Variants in BRDT observed in about 807,000 individuals in gnomAD.
The protein encoded by BRDT is bromodomain testis associated, also known as bromodomain testis-specific protein.
In BRDT, 77 loss-of-function variants were observed where a neutral mutation model predicts 113.9. That is an observed-to-expected ratio of 0.68 (90% confidence interval 0.56 to 0.82). The LOEUF (loss-of-function observed/expected upper bound fraction) is 0.82. Ranked by LOEUF, BRDT falls within the 40% of genes least tolerant of loss-of-function variation. The pLI is 0.00. For synonymous variants in BRDT, 358 were observed against 366.5 expected, an observed-to-expected ratio of 0.98 and a Z score of 0.26; for missense variants, 1,027 against 1,105.4, an observed-to-expected ratio of 0.93 and a Z score of 1.01.
chr1:91,980,318 C>G (rs902532468), intron 8 of BRDT, among the ~76,000 whole-genome samples: 2 of 73,270 alleles, frequency 2.7e-5, no homozygotes, highest in African/African-American at 6.5e-5. Context: ...CAGGATCACA[C>G]CACCGCACTC....
rs536229680 is a variant in BRDT at position 91,961,874 on chromosome 1, T to C, written c.-37-844T>C. The stretch of plus-strand genomic sequence containing the variant: ...TTGAAATAATTTAAAACAGCCAAGG[T>C]TGGCCGGGCGCGGTGGCTCACGCTT... On this transcript the variant is annotated intron_variant, in intron 1 of 18. Coordinates refer to ENST00000399546, the MANE Select transcript of BRDT (RefSeq NM_207189.4). 3.9e-5 allele frequency among the ~76,000 whole-genome samples: 6 copies of C among 152,124 alleles called. No homozygotes were observed. In the South Asian group the frequency reaches 1.2e-3, roughly 32 times the overall value.
At chr1:91,956,311 C>G (rs1011775535) in intron 1 of BRDT, among the ~76,000 whole-genome samples, 1 of 151,376 alleles carries the variant, frequency 6.6e-6, no homozygotes. Context: ...CTTCCTGCCC[C>G]CCCCCACCCC....
At position 91,995,403 on chromosome 1, in the gene BRDT, C is replaced by CTGTGTG. The variant is rs200254179; in HGVS notation, c.2287+1199_2287+1204dup. ...TTCAGTTTAAAATCTCCCTACTATT[C>CTGTGTG]TGTGTGTGTGTGTGTGTGTGTGTGT... On this transcript the variant is annotated intron_variant, in intron 15 of 18. Coordinates refer to ENST00000399546, the MANE Select transcript of BRDT (RefSeq NM_207189.4). 2.3e-4 allele frequency among the ~76,000 whole-genome samples: 34 copies of CTGTGTG among 146,868 alleles called. No individual in the cohort carries two copies. In the East Asian group the frequency reaches 4.4e-3, roughly 19 times the overall value.
chr1:91,975,603 G>A (rs879219964), intron 4 of BRDT, among the ~76,000 whole-genome samples: 2 of 152,162 alleles, frequency 1.3e-5, no homozygotes, highest in African/African-American at 2.4e-5. Context: ...GTTTGCTGGC[G>A]GGTTGGATAT....
rs754171082 is a variant in BRDT at position 91,991,288 on chromosome 1, A to G, written c.2064+43A>G. The G allele has an allele frequency of 4.6e-5, 55 of 1,202,406 alleles. 2 individuals carry two copies. The highest frequency in any genetic ancestry group is 6.2e-5 in the Non-Finnish European group (52 of 843,036). The allele number at this position is 1,202,406 out of a possible 1,614,324, so 74.5% of individuals were successfully genotyped here. A position where few individuals can be genotyped will look rare whatever the true frequency, so the allele number is the denominator to read the frequency against. ...TTGTATCTGAATTTTAAAAGTATGT[A>G]TAACTCATGGGTATAGTAGTAGCTT... On this transcript the variant is annotated intron_variant, in intron 13 of 18. Coordinates refer to ENST00000399546, the MANE Select transcript of BRDT (RefSeq NM_207189.4).
intron 7 of BRDT, 58 bp downstream of exon 7, chr1:91,978,354 T>G: frequency 6.3e-7 from 1 of 1,582,466 alleles, no homozygotes; most frequent in Non-Finnish European, 8.6e-7. Flanking sequence ...TGAAACGTTT[T>G]TTAGAACCAT....
At chr1:91,961,170 G>C (rs1277128515) in intron 1 of BRDT, among the ~76,000 whole-genome samples, 8 of 151,996 alleles carry the variant, frequency 5.3e-5, no homozygotes. Context: ...AATTAGCTGG[G>C]CGTGGTGGCA....
chr1:91,985,702 C>T (rs550460653), intron 12 of BRDT, among the ~76,000 whole-genome samples: 2 of 145,836 alleles, frequency 1.4e-5, no homozygotes, highest in South Asian at 2.2e-4. Flanking sequence ...GCAGTGGCGC[C>T]GTCTGGGCTT....
chr1:91,966,266 A>G (rs1396203114), intron 3 of BRDT, among the ~76,000 whole-genome samples: 2 of 152,202 alleles, frequency 1.3e-5, no homozygotes, highest in Non-Finnish European at 2.9e-5. Context: ...TGAGAATTCT[A>G]AGTATTTGTG....
At chr1:91,994,275 C>T (rs1352318282) in intron 15 of BRDT, 21 bp downstream of exon 15, 1 of 1,561,194 alleles carries the variant, frequency 6.4e-7, no homozygotes, top group African/African-American at 1.4e-5. Flanking sequence ...AACAAGTAAA[C>T]AACTGTTATT....
chr1:91,987,096 T>A (rs995961452), intron 12 of BRDT, among the ~76,000 whole-genome samples: 9 of 152,066 alleles, frequency 5.9e-5, no homozygotes, highest in African/African-American at 2.2e-4. Flanking sequence ...ATTTTTGTAT[T>A]TTTAGTAGAG....
intron 1 of BRDT, among the ~76,000 whole-genome samples, chr1:91,954,262 G>A (rs1432478072): frequency 6.8e-6 from 1 of 146,944 alleles, no homozygotes; most frequent in African/African-American, 2.5e-5. Flanking sequence ...GCGAGCCACG[G>A]TGCTCGGCAT....
intron 1 of BRDT, among the ~76,000 whole-genome samples, chr1:91,954,569 C>T (rs190317118): frequency 5.9e-4 from 90 of 152,196 alleles, no homozygotes; most frequent in African/African-American, 2.0e-3. Context: ...CATGAGCCAC[C>T]GTGTATGACC....
intron 12 of BRDT, among the ~76,000 whole-genome samples, chr1:91,983,391 A>G (rs1684894050): frequency 6.6e-6 from 1 of 151,078 alleles, no homozygotes; most frequent in Non-Finnish European, 1.5e-5. Flanking sequence ...CAGCCTCCCA[A>G]GTAGCTGGGA....
At chr1:91,985,261 C>T (rs1319659222) in intron 12 of BRDT, among the ~76,000 whole-genome samples, 4 of 151,604 alleles carry the variant, frequency 2.6e-5, no homozygotes, top group Non-Finnish European at 5.9e-5. Flanking sequence ...GGGGTTTCAC[C>T]GTGTTAGCCA....
At chr1:91,981,204 A>T (rs571751506) in intron 10 of BRDT, 26 bp downstream of exon 10, 18 of 1,607,322 alleles carry the variant, frequency 1.1e-5, no homozygotes, top group African/African-American at 5.4e-5. Flanking sequence ...TATTAATAGA[A>T]ATCGGTTTGG....
intron 18 of BRDT, among the ~76,000 whole-genome samples, chr1:92,010,267 A>ATTTTTTTTTTTT (rs373305680): frequency 9.9e-6 from 1 of 101,046 alleles, no homozygotes; most frequent in African/African-American, 3.8e-5. Flanking sequence ...TGCTCTTTTA[A>ATTTTTTTTTTTT]TTTTTTTTTT....
intron 15 of BRDT, among the ~76,000 whole-genome samples, chr1:91,996,881 T>TA (rs1247024008): frequency 6.6e-6 from 1 of 152,182 alleles, no homozygotes; most frequent in African/African-American, 2.4e-5. Context: ...TTTCTAGAAC[T>TA]AACAGGGTGT....
intron 12 of BRDT, among the ~76,000 whole-genome samples, chr1:91,984,813 T>C (rs570604899): frequency 1.3e-5 from 2 of 152,140 alleles, no homozygotes; most frequent in Admixed American, 1.3e-4. Context: ...TGTACTTTTT[T>C]TGACAAAAAT....
Sources: gnomAD v4.1 joint callset for allele counts (sites outside exome capture counted in the v4.1 genomes callset) on GRCh38, gnomAD v4.1.1 for gene constraint, MANE v1.5 for transcripts, NCBI Gene and HGNC (gene_info 2026-07-23, HGNC 2026-07-21) for gene names.